Variants in RSPH4A observed in about 807,000 individuals in gnomAD.
The protein encoded by RSPH4A is radial spoke head component 4A.
RSPH4A carries 47 observed loss-of-function variants against 71.0 expected under a neutral mutation model. The ratio of observed to expected loss-of-function variants is 0.66; its 90% CI spans 0.52 to 0.84. RSPH4A has a LOEUF of 0.84. Ranked by LOEUF, RSPH4A falls within the 40% of genes least tolerant of loss-of-function variation. The pLI is 0.00. For missense variants in RSPH4A, 793 were observed against 855.2 expected, an observed-to-expected ratio of 0.93 and a Z score of 0.91; for synonymous variants, 282 against 302.3, an observed-to-expected ratio of 0.93 and a Z score of 0.70.
Position 116,632,192 on chromosome 6 carries a change from T to C in RSPH4A, c.1917-15T>C. 1 of 1,577,210 alleles carries C rather than the reference T, an allele frequency of 6.3e-7. No individual in the cohort carries two copies. Among genetic ancestry groups the C allele is most frequent in the Non-Finnish European group, 8.7e-7 (1 of 1,155,310 alleles). Reference sequence around the variant, plus strand: ...TATAATGATCTTTTTTTCTTCTTCTTTTTCTTACTTATAGAAAGTTTGAAA... The same window carrying C: ...TATAATGATCTTTTTTTCTTCTTCTCTTTCTTACTTATAGAAAGTTTGAAA... On this transcript the variant is annotated splice_polypyrimidine_tract_variant and intron_variant, in intron 5 of 5. Transcript: ENST00000229554.
At chr6:116,618,484 A>C (rs968087503) in intron 1 of RSPH4A, among the ~76,000 whole-genome samples, 13 of 152,080 alleles carry the variant, frequency 8.5e-5, no homozygotes, top group Non-Finnish European at 1.8e-4. Flanking sequence ...CTCTACAACA[A>C]CCAACATAGA....
Position 116,630,561 on chromosome 6 carries a change from C to CTTACT in RSPH4A, c.1916+10_1916+11insTACTT. The CTTACT allele has an allele frequency of 1.5e-6, 2 of 1,294,142 alleles. No homozygotes were observed. Among genetic ancestry groups the CTTACT allele is most frequent in the Non-Finnish European group, 2.2e-6 (2 of 889,592 alleles). The allele number at this position is 1,294,142 out of a possible 1,614,324, so 80.2% of individuals were successfully genotyped here. A position where few individuals can be genotyped will look rare whatever the true frequency, so the allele number is the denominator to read the frequency against. On this transcript the variant is annotated intron_variant, in intron 5 of 5. Transcript: ENST00000229554. ...GCCTTCTCCAATGGCAAGTAAGTAT[C>CTTACT]TGACCACTTACAAAGCCATTTCTGT...
rs765539125 is a variant in RSPH4A at position 116,616,786 on chromosome 6, T to A, written c.163T>A (p.Ser55Thr). ...AKQGPETGRQ[S>T]RSSRPWSPQS... ...GCAGGGGCCAGAAACTGGACGCCAG[T>A]CCCGAAGCAGCCGTCCTTGGAGCCC... The change falls in exon 1 of 6, where the codon TCC (serine) becomes ACC (threonine). Residue 55 changes from serine (S) to threonine (T), a missense_variant. Transcript: ENST00000229554. 6.2e-7 allele frequency: 1 copy of A among 1,614,122 alleles called. No individual in the cohort carries two copies. The highest frequency in any genetic ancestry group is 1.7e-5 in the Admixed American group (1 of 60,022).
chr6:116,629,206 ATTG>A (rs1225185923), intron 3 of RSPH4A, among the ~76,000 whole-genome samples: 2 of 152,220 alleles, frequency 1.3e-5, no homozygotes, highest in African/African-American at 2.4e-5. Flanking sequence ...TTTAAATGTT[ATTG>A]TTAATAATAA....
chr6:116,632,255 C>T lies in RSPH4A; in HGVS notation c.1965C>T (p.Asp655=), dbSNP rs1775817137. ...GCTGGGGTCATAAGTATAGTCCAGA[C>T]AATTATACACCCCCAGTTCCACCAC... The part of the protein sequence containing the change: ...YIGWGHKYSP[D]NYTPPVPPPV... The change falls in exon 6 of 6, where the codon GAC becomes GAT. Residue 655 remains aspartate, a synonymous_variant. Transcript: ENST00000229554. The T allele has an allele frequency of 1.2e-6, 2 of 1,612,034 alleles. No homozygotes were observed. The highest frequency in any genetic ancestry group is 2.7e-5 in the African/African-American group (2 of 74,930).
intron 2 of RSPH4A, among the ~76,000 whole-genome samples, chr6:116,624,820 C>T (rs1775668378): frequency 6.6e-6 from 1 of 152,208 alleles, no homozygotes; most frequent in African/African-American, 2.4e-5. Context: ...GTGACTACTG[C>T]ATACCAAGTA....
rs1386958995 is a variant in RSPH4A, at chr6:116,630,558, T to C, written c.1916+6T>C. On this transcript the variant is annotated splice_donor_region_variant and intron_variant, in intron 5 of 5. Transcript: ENST00000229554. The stretch of plus-strand genomic sequence containing the variant: ...TATGCCTTCTCCAATGGCAAGTAAG[T>C]ATCTGACCACTTACAAAGCCATTTC... 2.2e-6 allele frequency: 3 copies of C among 1,335,644 alleles called. No homozygotes were observed. Among genetic ancestry groups the C allele is most frequent in the Non-Finnish European group, 3.2e-6 (3 of 926,710 alleles). 82.7% of individuals were successfully genotyped at this position (1,335,644 alleles called of 1,614,324 possible). A position where few individuals can be genotyped will look rare whatever the true frequency, so the allele number is the denominator to read the frequency against.
chr6:116,628,031 G>A lies in RSPH4A; in HGVS notation c.1324G>A (p.Val442Met), dbSNP rs1219507629. 1.2e-6 allele frequency: 2 copies of A among 1,614,184 alleles called. No homozygotes were observed. Among genetic ancestry groups the A allele is most frequent in the Non-Finnish European group, 1.7e-6 (2 of 1,180,020 alleles). Reference sequence around the variant, plus strand: ...TTGCAATGAACCAGGAAGACCATGGGTGAAGTTACCACCAGTTATACCTGC... The same window carrying A: ...TTGCAATGAACCAGGAAGACCATGGATGAAGTTACCACCAGTTATACCTGC... Reference protein sequence around the residue: ...FVCNEPGRPWVKLPPVIPAQI... With the variant: ...FVCNEPGRPWMKLPPVIPAQI... Residue 442 changes from valine to methionine, a missense_variant, in exon 3 of 6, where the codon GTG (valine) becomes ATG (methionine). By Grantham distance (21) the Val-to-Met change is conservative (BLOSUM62 1). Transcript: ENST00000229554.
chr6:116,627,505 TA>T, intron 2 of RSPH4A, 123 bp from the exon 3 acceptor site: 1 of 888,334 alleles, frequency 1.1e-6, no homozygotes, highest in Non-Finnish European at 1.8e-6. Flanking sequence ...CAATTTGATC[TA>T]AATCTTGAGA....
At chr6:116,630,287 TTGC>T (rs1482944044) in intron 4 of RSPH4A, 145 bp from the exon 5 acceptor site, 30 of 711,120 alleles carry the variant, frequency 4.2e-5, no homozygotes, top group Admixed American at 9.5e-5. Flanking sequence ...TTTTGTTAAG[TTGC>T]TGCTGTTTTT....
chr6:116,616,946 C>A lies in RSPH4A; in HGVS notation c.323C>A (p.Pro108His), dbSNP rs1165167629. 6.2e-7 allele frequency: 1 copy of A among 1,614,106 alleles called. No homozygotes were observed. Among genetic ancestry groups the A allele is most frequent in the Non-Finnish European group, 8.5e-7 (1 of 1,180,048 alleles). ...APARQDLAAPPQSDRTTSVIP... is the reference protein window; with the variant it reads ...APARQDLAAPHQSDRTTSVIP... ...GCCAGACAAGACCTCGCGGCACCACCTCAGTCGGACAGGACCACGAGTGTG... is the reference window on the plus strand; with the variant it reads ...GCCAGACAAGACCTCGCGGCACCACATCAGTCGGACAGGACCACGAGTGTG... The change falls in exon 1 of 6, where the codon CCT (proline) becomes CAT (histidine). Residue 108 changes from proline (P) to histidine (H), a missense_variant. Coordinates refer to ENST00000229554, the MANE Select transcript of RSPH4A (RefSeq NM_001010892.3).
At chr6:116,620,110 A>T (rs1172472357) in intron 1 of RSPH4A, among the ~76,000 whole-genome samples, 2 of 152,178 alleles carry the variant, frequency 1.3e-5, no homozygotes, top group Admixed American at 6.5e-5. Context: ...TCTGATATGA[A>T]CTTCTTGTCA....
chr6:116,623,330 C>A (rs564425633), intron 2 of RSPH4A, among the ~76,000 whole-genome samples: 2 of 152,268 alleles, frequency 1.3e-5, no homozygotes, highest in African/African-American at 4.8e-5. Context: ...AAGTGATCTG[C>A]CTACCTTGGC....
Position 116,630,561 on chromosome 6 carries a change from C to G in RSPH4A, c.1916+9C>G. ...GCCTTCTCCAATGGCAAGTAAGTAT[C>G]TGACCACTTACAAAGCCATTTCTGT... On this transcript the variant is annotated intron_variant, in intron 5 of 5. Coordinates refer to ENST00000229554, the MANE Select transcript of RSPH4A (RefSeq NM_001010892.3). 7.7e-7 allele frequency: 1 copy of G among 1,294,150 alleles called. No homozygotes were observed. The highest frequency in any genetic ancestry group is 1.1e-6 in the Non-Finnish European group (1 of 889,598). The allele number at this position is 1,294,150 out of a possible 1,614,324, so 80.2% of individuals were successfully genotyped here.
rs527643598 is a variant in RSPH4A, at chr6:116,624,385, A to G, written c.921+1383A>G. ...ATTCTCATACAGGAGTTAATCAAAG[A>G]AAGTTCAGACTCCAGGGTAAGAATG... is the stretch of plus-strand genomic sequence containing the variant. On this transcript the variant is annotated intron_variant, in intron 2 of 5. Coordinates refer to ENST00000229554, the MANE Select transcript of RSPH4A (RefSeq NM_001010892.3). 1.0e-3 allele frequency among the ~76,000 whole-genome samples: 153 copies of G among 152,366 alleles called. 1 individual carries two copies. Among genetic ancestry groups the G allele is most frequent in the African/African-American group, 3.5e-3 (145 of 41,588 alleles).
rs1476464568 is a variant in RSPH4A at position 116,617,214 on chromosome 6, T to C, written c.591T>C (p.Pro197=). The C allele has an allele frequency of 6.2e-7, 1 of 1,614,024 alleles. No individual in the cohort carries two copies. The highest frequency in any genetic ancestry group is 8.5e-7 in the Non-Finnish European group (1 of 1,180,016). Residue 197 remains proline (P), a synonymous_variant, in exon 1 of 6, where the codon CCT becomes CCC. Coordinates refer to ENST00000229554, the MANE Select transcript of RSPH4A (RefSeq NM_001010892.3). ...NSDYDLQQPA[P]GGSEVAPSML... is the part of the protein sequence containing the mutation. ...ACTATGATTTACAGCAGCCGGCGCC[T>C]GGGGGCTCTGAAGTGGCCCCCAGCA...
chr6:116,620,131 T>A (rs1273386428), intron 1 of RSPH4A, among the ~76,000 whole-genome samples: 1 of 152,262 alleles, frequency 6.6e-6, no homozygotes, highest in African/African-American at 2.4e-5. Flanking sequence ...TAATGCCCTA[T>A]GTTAGATAGC....
intron 2 of RSPH4A, among the ~76,000 whole-genome samples, chr6:116,626,815 A>G (rs1244535554): frequency 6.6e-6 from 1 of 152,142 alleles, no homozygotes; most frequent in African/African-American, 2.4e-5. Flanking sequence ...ACTTTATTAC[A>G]TGTTCATTTT....
In RSPH4A at chr6:116,622,756, C is replaced by T; in HGVS notation, c.687-12C>T. On this transcript the variant is annotated splice_polypyrimidine_tract_variant and intron_variant, in intron 1 of 5. Coordinates refer to ENST00000229554, the MANE Select transcript of RSPH4A (RefSeq NM_001010892.3). ...ACATGTATATTATCTGGAATTTTCT[C>T]TGTTTGGATAGATATGATCATCTTT... 6.6e-7 allele frequency: 1 copy of T among 1,509,714 alleles called. No individual in the cohort carries two copies. Among genetic ancestry groups the T allele is most frequent in the Non-Finnish European group, 9.2e-7 (1 of 1,086,138 alleles). 93.5% of individuals were successfully genotyped at this position (1,509,714 alleles called of 1,614,324 possible). A position where few individuals can be genotyped will look rare whatever the true frequency, so the allele number is the denominator to read the frequency against.
Sources: gnomAD v4.1 joint callset for allele counts (sites outside exome capture counted in the v4.1 genomes callset) on GRCh38, gnomAD v4.1.1 for gene constraint, MANE v1.5 for transcripts, NCBI Gene and HGNC (gene_info 2026-07-23, HGNC 2026-07-21) for gene names.